Variants in MROH2B observed in about 807,000 individuals in gnomAD.
MROH2B encodes the protein maestro heat-like repeat-containing protein family member 2B.
In MROH2B, 177 loss-of-function variants were observed where a neutral mutation model predicts 208.6. That is an observed-to-expected ratio of 0.85 (90% CI 0.75 to 0.96). The LOEUF (loss-of-function observed/expected upper bound fraction) is 0.96. Ranked by LOEUF, MROH2B falls within the 40% of genes least tolerant of loss-of-function variation. The pLI, the probability that MROH2B is intolerant of heterozygous loss-of-function variation, is 0.00. For missense variants in MROH2B, 2,002 were observed against 1,878.7 expected (o/e 1.07, Z -1.21); for synonymous variants, 728 against 659.0 (o/e 1.10, Z -1.60).
intron 38 of MROH2B, 113 bp from the exon 39 acceptor site, chr5:41,000,464 G>A (rs1741356449): frequency 7.1e-7 from 1 of 1,415,764 alleles, no homozygotes; most frequent in African/African-American, 1.4e-5. Flanking sequence ...TGGTGTGAAT[G>A]GCTTTATAGT....
chr5:41,052,503 A>G lies in MROH2B; in HGVS notation c.1192T>C (p.Tyr398His), dbSNP rs772186385. The change falls in exon 12 of 42, where the codon TAT (tyrosine) becomes CAT (histidine). Residue 398 changes from tyrosine to histidine, a missense_variant. Tyr to His is a moderately conservative substitution (Grantham distance 83). Transcript: ENST00000399564. ...EAREGWPLID[Y>H]VFSQFATLNR... The stretch of plus-strand genomic sequence containing the variant: ...AACGTTGCAAACTGGGAGAAGACAT[A>G]ATCAATCAATGGCCATCCTTCCCGA... 1.2e-6 allele frequency: 2 copies of G among 1,613,022 alleles called. No homozygotes were observed. Among genetic ancestry groups the G allele is most frequent in the Non-Finnish European group, 1.7e-6 (2 of 1,179,308 alleles).
At chr5:41,001,493 C>G (rs1250323361) in intron 37 of MROH2B, among the ~76,000 whole-genome samples, 1 of 152,052 alleles carries the variant, frequency 6.6e-6, no homozygotes, top group African/African-American at 2.4e-5. Flanking sequence ...GGCAGATCAC[C>G]TGAGGTCAAG....
At chr5:41,010,938 T>C (rs1022787941) in intron 30 of MROH2B, among the ~76,000 whole-genome samples, 2 of 152,186 alleles carry the variant, frequency 1.3e-5, no homozygotes, top group Non-Finnish European at 2.9e-5. Flanking sequence ...CTAAAAAATC[T>C]ATTTTTTAAA....
intron 21 of MROH2B, among the ~76,000 whole-genome samples, chr5:41,034,624 G>A (rs114553752): frequency 1.8e-3 from 271 of 151,324 alleles, no homozygotes; most frequent in Middle Eastern, 0.014. Context: ...CATTTTTTTG[G>A]GTAGCATTTG....
chr5:41,050,944 AGTAACT>A (rs1288726343), intron 13 of MROH2B, 27 bp downstream of exon 13: 4 of 1,391,620 alleles, frequency 2.9e-6, no homozygotes, highest in Non-Finnish European at 3.9e-6. Context: ...AGGTGATCAA[AGTAACT>A]GTAAGTGGTG....
At chr5:41,060,461 G>A (rs548082784) in intron 6 of MROH2B, among the ~76,000 whole-genome samples, 1 of 152,184 alleles carries the variant, frequency 6.6e-6, no homozygotes, top group South Asian at 2.1e-4. Flanking sequence ...ATTTCTTTCT[G>A]CCTTATATCT....
At chr5:41,039,068 G>A (rs1320712205) in intron 20 of MROH2B, among the ~76,000 whole-genome samples, 180 bp from the exon 21 acceptor site, 1 of 152,172 alleles carries the variant, frequency 6.6e-6, no homozygotes, top group African/African-American at 2.4e-5. Context: ...GGATGGTCCT[G>A]TGGGATGATC....
At chr5:41,033,309 T>C in intron 22 of MROH2B, 149 bp from the exon 23 acceptor site, 1 of 1,170,712 alleles carries the variant, frequency 8.5e-7, no homozygotes, top group South Asian at 1.5e-5. Flanking sequence ...AGGGTCTAAG[T>C]TGCAGGGAAA....
intron 24 of MROH2B, among the ~76,000 whole-genome samples, chr5:41,026,477 T>A (rs373622218): frequency 4.6e-5 from 7 of 152,018 alleles, no homozygotes; most frequent in South Asian, 2.1e-4. Flanking sequence ...TCCAACTTAC[T>A]AGGGATGTGA....
At chr5:41,026,019 T>C (rs910962234) in intron 24 of MROH2B, among the ~76,000 whole-genome samples, 4 of 152,126 alleles carry the variant, frequency 2.6e-5, no homozygotes, top group Non-Finnish European at 4.4e-5. Context: ...ATAAACTAGG[T>C]ATTGATGGGA....
At chr5:41,033,735 A>C in intron 22 of MROH2B, 103 bp downstream of exon 22, 1 of 921,172 alleles carries the variant, frequency 1.1e-6, no homozygotes, top group Non-Finnish European at 1.6e-6. Flanking sequence ...TTTCAATTGG[A>C]ATCAAATCAA....
At chr5:41,043,465 T>A (rs1411439972) in intron 18 of MROH2B, among the ~76,000 whole-genome samples, 2 of 152,228 alleles carry the variant, frequency 1.3e-5, no homozygotes, top group Non-Finnish European at 2.9e-5. Context: ...GAAAGTCTTG[T>A]GCTGCAGAAA....
At chr5:41,055,977 T>G in intron 9 of MROH2B, 122 bp from the exon 10 acceptor site, 1 of 686,956 alleles carries the variant, frequency 1.5e-6, no homozygotes. Context: ...GGTAATTTGA[T>G]TTTATTACGT....
intron 18 of MROH2B, among the ~76,000 whole-genome samples, chr5:41,042,524 T>C (rs1262765528): frequency 6.6e-6 from 1 of 152,224 alleles, no homozygotes; most frequent in Non-Finnish European, 1.5e-5. Context: ...TTATTCATTA[T>C]TTCCACTGTA....
At chr5:41,053,810 C>T (rs1009891953) in intron 11 of MROH2B, among the ~76,000 whole-genome samples, 3 of 152,106 alleles carry the variant, frequency 2.0e-5, no homozygotes, top group African/African-American at 7.2e-5. Context: ...AAAGCTTTTA[C>T]TATTTTAAAC....
rs765716129 is a variant in MROH2B, at chr5:41,038,886, G to T, written c.2064C>A (p.Ser688Arg). 4 of 1,602,400 alleles carry T rather than the reference G, an allele frequency of 2.5e-6. No individual in the cohort carries two copies. The highest frequency in any genetic ancestry group is 1.7e-6 in the Non-Finnish European group (2 of 1,175,928). The part of the protein sequence containing the change: ...QEKFFMNRCK[S>R]LFSGKKSLTK... Reference sequence around the variant, plus strand: ...TCAGGCTCTTTTTCCCAGAAAAAAGGCTCTGAAGACCAGGAAAGGGAGACA... The same window carrying T: ...TCAGGCTCTTTTTCCCAGAAAAAAGTCTCTGAAGACCAGGAAAGGGAGACA... Residue 688 changes from serine to arginine, a missense_variant and splice_region_variant, in exon 21 of 42, where the codon AGC becomes AGA. Ser to Arg is a moderately radical substitution (Grantham distance 110). Transcript: ENST00000399564.
chr5:41,058,371 C>A, intron 6 of MROH2B, 168 bp from the exon 7 acceptor site: 2 of 633,598 alleles, frequency 3.2e-6, no homozygotes, highest in Non-Finnish European at 4.8e-6. Flanking sequence ...AGGTTAAGAT[C>A]ATTGCATGGG....
At chr5:41,046,034 G>C (rs925851499) in intron 17 of MROH2B, among the ~76,000 whole-genome samples, 181 bp from the exon 18 acceptor site, 4 of 151,980 alleles carry the variant, frequency 2.6e-5, no homozygotes, top group African/African-American at 9.7e-5. Context: ...AACATTTTCT[G>C]ATATGTTCTG....
intron 24 of MROH2B, 50 bp from the exon 25 acceptor site, chr5:41,019,068 C>T: frequency 6.2e-7 from 1 of 1,606,006 alleles, no homozygotes; most frequent in Non-Finnish European, 8.5e-7. Flanking sequence ...ACCATCAGAA[C>T]ATACCCAGTG....
Sources: allele counts gnomAD v4.1 joint callset (sites outside exome capture counted in the v4.1 genomes callset), GRCh38; gene constraint gnomAD v4.1.1; transcripts MANE v1.5; gene names NCBI Gene and HGNC (gene_info 2026-07-23, HGNC 2026-07-21).